Variants in MSRA observed in about 807,000 individuals in gnomAD.
The protein encoded by MSRA is methionine sulfoxide reductase A.
A neutral mutation model predicts 31.3 loss-of-function variants in MSRA; 54 were observed. The observed-to-expected ratio is 1.73, with a 90% CI of 1.39 to 2.17. The LOEUF is 2.17. Among genes scored for constraint, MSRA ranks in the 30% most tolerant of loss-of-function variants. The pLI, the probability that MSRA is intolerant of heterozygous loss-of-function variation, is 0.00. For missense variants in MSRA, 507 were observed against 300.9 expected (o/e 1.69, Z -5.07); for synonymous variants, 169 against 116.5 (o/e 1.45, Z -2.90).
intron 1 of MSRA, among the ~76,000 whole-genome samples, chr8:10,120,848 C>G (rs1325979051): frequency 1.3e-5 from 2 of 152,160 alleles, no homozygotes; most frequent in Non-Finnish European, 2.9e-5. Context: ...TTGGCTGTGT[C>G]TCTGTGCACC....
intron 1 of MSRA, among the ~76,000 whole-genome samples, chr8:10,143,142 C>G (rs570436291): frequency 1.3e-5 from 2 of 152,044 alleles, no homozygotes; most frequent in African/African-American, 4.8e-5. Context: ...TTCCCTGCAC[C>G]GTCGTTTTGG....
chr8:10,255,364 A>T (rs530671700), intron 3 of MSRA, among the ~76,000 whole-genome samples: 1 of 152,320 alleles, frequency 6.6e-6, no homozygotes, highest in South Asian at 2.1e-4. Flanking sequence ...CCCCAGGCAG[A>T]GATGTTTCTG....
chr8:10,121,770 A>C (rs989962524), intron 1 of MSRA, among the ~76,000 whole-genome samples: 1 of 151,876 alleles, frequency 6.6e-6, no homozygotes, highest in Non-Finnish European at 1.5e-5. Context: ...TCCTAAGCTC[A>C]AGCGATCCTC....
intron 1 of MSRA, among the ~76,000 whole-genome samples, chr8:10,189,506 A>G (rs534602531): frequency 6.6e-6 from 1 of 152,244 alleles, no homozygotes; most frequent in East Asian, 1.9e-4. Context: ...TTATTAGCTT[A>G]TCTCCCTTGT....
intron 3 of MSRA, among the ~76,000 whole-genome samples, chr8:10,264,638 A>T (rs1226739711): frequency 6.6e-6 from 1 of 152,126 alleles, no homozygotes; most frequent in Non-Finnish European, 1.5e-5. Flanking sequence ...GGGCATGATG[A>T]GGGAGATGCT....
At chr8:10,339,999 CT>C (rs1803320803) in intron 5 of MSRA, among the ~76,000 whole-genome samples, 2 of 152,312 alleles carry the variant, frequency 1.3e-5, no homozygotes, top group Admixed American at 1.3e-4. Flanking sequence ...GCTGCCCTAG[CT>C]GCCTTGTGTG....
intron 5 of MSRA, among the ~76,000 whole-genome samples, chr8:10,397,595 C>G (rs13252982): frequency 0.38 from 57,796 of 152,130 alleles, 12,412 homozygotes; most frequent in Non-Finnish European, 0.5. Flanking sequence ...TCTTCATCCA[C>G]GACGGTAGCT....
At chr8:10,096,207 T>G in intron 1 of MSRA, 1 of 1,252,544 alleles carries the variant, frequency 8.0e-7, no homozygotes, top group Non-Finnish European at 1.0e-6. Context: ...AGCTTTTATT[T>G]CTGCTGCTTC....
At chr8:10,159,992 C>G (rs763753671) in intron 1 of MSRA, among the ~76,000 whole-genome samples, 4 of 152,166 alleles carry the variant, frequency 2.6e-5, no homozygotes, top group Non-Finnish European at 5.9e-5. Flanking sequence ...AACATGAAAT[C>G]TTTAAAAAAC....
rs547766935 is a variant in MSRA, at chr8:10,120,720, C to G, written c.142+66062C>G. Among the ~76,000 whole-genome samples, 7 of 152,332 alleles carry G rather than the reference C, an allele frequency of 4.6e-5. No homozygotes were observed. The South Asian group carries it at 1.4e-3, about 32-fold the overall frequency. Reference sequence around the variant, plus strand: ...ATAATTAAAGCGAAGCCTGGTGAATCTAATGGAAGCTCTTAACTGACCTGC... The same window carrying G: ...ATAATTAAAGCGAAGCCTGGTGAATGTAATGGAAGCTCTTAACTGACCTGC... On this transcript the variant is annotated intron_variant, in intron 1 of 5. Transcript: ENST00000317173.
intron 5 of MSRA, among the ~76,000 whole-genome samples, chr8:10,387,499 A>T (rs1209534920): frequency 6.6e-6 from 1 of 152,106 alleles, no homozygotes; most frequent in Admixed American, 6.6e-5. Flanking sequence ...GGGGAAAGAG[A>T]TGTAGGCAGT....
intron 5 of MSRA, among the ~76,000 whole-genome samples, chr8:10,372,019 G>A (rs1035330671): frequency 6.6e-5 from 10 of 152,184 alleles, no homozygotes; most frequent in Non-Finnish European, 1.3e-4. Context: ...CAGGCAGAAC[G>A]AGCTTGTTGA....
chr8:10,399,657 ATATT>A (rs1204197080), intron 5 of MSRA, among the ~76,000 whole-genome samples: 1 of 152,190 alleles, frequency 6.6e-6, no homozygotes, highest in Non-Finnish European at 1.5e-5. Context: ...CCAGCCTCTG[ATATT>A]TATTTATAGC....
At chr8:10,148,793 C>A (rs1453727297) in intron 1 of MSRA, among the ~76,000 whole-genome samples, 11 of 129,678 alleles carry the variant, frequency 8.5e-5, no homozygotes, top group South Asian at 5.8e-4. Context: ...AAGAGTGAGA[C>A]CCTGTCGCAA....
intron 2 of MSRA, among the ~76,000 whole-genome samples, chr8:10,229,966 C>T (rs1811327908): frequency 6.6e-6 from 1 of 152,236 alleles, no homozygotes; most frequent in African/African-American, 2.4e-5. Context: ...TCTCCATAAA[C>T]TGGCATTCTT....
chr8:10,398,899 T>C (rs180755640), intron 5 of MSRA, among the ~76,000 whole-genome samples: 40 of 152,336 alleles, frequency 2.6e-4, no homozygotes, highest in African/African-American at 7.2e-4. Context: ...TGGGGCTGCA[T>C]TGAGCCTCTC....
At chr8:10,119,401 G>A (rs1005162887) in intron 1 of MSRA, among the ~76,000 whole-genome samples, 19 of 152,174 alleles carry the variant, frequency 1.2e-4, no homozygotes, top group African/African-American at 4.6e-4. Flanking sequence ...GGTAACAGAG[G>A]ACATGTGGAC....
At chr8:10,269,207 A>G (rs1798901999) in intron 3 of MSRA, among the ~76,000 whole-genome samples, 1 of 152,352 alleles carries the variant, frequency 6.6e-6, no homozygotes, top group Non-Finnish European at 1.5e-5. Flanking sequence ...GTGCTCCAAC[A>G]ATTGTGTTCA....
chr8:10,176,683 G>T (rs1159405393), intron 1 of MSRA, among the ~76,000 whole-genome samples: 2 of 152,214 alleles, frequency 1.3e-5, no homozygotes, highest in African/African-American at 4.8e-5. Flanking sequence ...TCTGTGCAAA[G>T]GCCATCCTCT....
Sources: gnomAD v4.1 joint callset for allele counts (sites outside exome capture counted in the v4.1 genomes callset) on GRCh38, gnomAD v4.1.1 for gene constraint, MANE v1.5 for transcripts, NCBI Gene and HGNC (gene_info 2026-07-23, HGNC 2026-07-21) for gene names.